Variants in SOX5 observed in about 807,000 individuals in gnomAD.
SOX5 encodes SRY-box transcription factor 5, also known as transcription factor SOX-5.
In SOX5, 9 loss-of-function variants were observed where a neutral mutation model predicts 92.0. The observed-to-expected ratio is 0.10, with a 90% confidence interval of 0.06 to 0.17. The LOEUF is 0.17. Among genes scored for constraint, SOX5 ranks in the 10% least tolerant of loss-of-function variants. The pLI is 1.00. For synonymous variants in SOX5, 344 were observed against 336.3 expected (o/e 1.02, Z -0.25); for missense variants, 642 against 944.5 (o/e 0.68, Z 4.20).
Position 24,530,459 on chromosome 12 carries a change from T to A in SOX5, c.-251+31870A>T, listed in dbSNP as rs115185257. Among the ~76,000 whole-genome samples the A allele has an allele frequency of 7.0e-3, 1,070 of 152,258 alleles. 18 individuals carry two copies. The highest frequency in any genetic ancestry group is 0.023 in the African/African-American group (960 of 41,554). ...GTGGGAGAAGTCTATAAAAATAATA[T>A]GTAGAGCTCCCCTAAACCCCATCTC... is the stretch of plus-strand genomic sequence containing the variant. On this transcript the variant is annotated intron_variant, in intron 1 of 4. Coordinates refer to the SOX5 transcript ENST00000446891.
intron 8 of SOX5, among the ~76,000 whole-genome samples, chr12:23,623,609 C>T (rs780867025): frequency 6.6e-6 from 1 of 152,064 alleles, no homozygotes; most frequent in Non-Finnish European, 1.5e-5. Flanking sequence ...CAAATATTAT[C>T]TAGGAATCAA....
At chr12:23,685,600 T>A (rs1309862368) in intron 6 of SOX5, among the ~76,000 whole-genome samples, 2 of 151,958 alleles carry the variant, frequency 1.3e-5, no homozygotes, top group African/African-American at 4.8e-5. Context: ...GTTTCTCATA[T>A]TTTTTCTAGC....
chr12:23,910,914 T>A (rs1213706377), intron 1 of SOX5, among the ~76,000 whole-genome samples: 1 of 152,172 alleles, frequency 6.6e-6, no homozygotes, highest in East Asian at 1.9e-4. Flanking sequence ...ATCCACCTCT[T>A]CACAACATTC....
intron 4 of SOX5, among the ~76,000 whole-genome samples, chr12:24,156,061 C>T (rs1448252193): frequency 1.3e-5 from 2 of 152,154 alleles, no homozygotes; most frequent in Non-Finnish European, 2.9e-5. Flanking sequence ...GTGCTTAGCA[C>T]TGTGAATTTT....
intron 1 of SOX5, among the ~76,000 whole-genome samples, chr12:24,516,020 C>T (rs1949746746): frequency 1.3e-5 from 2 of 149,990 alleles, no homozygotes; most frequent in South Asian, 2.1e-4. Flanking sequence ...TTTTTCTTGG[C>T]TATGGCAATT....
At chr12:24,039,794 T>C (rs1956355317) in intron 4 of SOX5, among the ~76,000 whole-genome samples, 1 of 152,170 alleles carries the variant, frequency 6.6e-6, no homozygotes, top group African/African-American at 2.4e-5. Flanking sequence ...AAATATTAAA[T>C]GGAAACACTG....
chr12:23,716,089 C>T (rs1299348894), intron 6 of SOX5, among the ~76,000 whole-genome samples: 2 of 152,100 alleles, frequency 1.3e-5, no homozygotes, highest in Non-Finnish European at 2.9e-5. Context: ...AGTTATGCAA[C>T]ACACGGGAAG....
chr12:24,248,926 G>A (rs999467527), intron 3 of SOX5, among the ~76,000 whole-genome samples: 2 of 152,158 alleles, frequency 1.3e-5, no homozygotes, highest in African/African-American at 2.4e-5. Context: ...AAAGAAGGTA[G>A]TATATAGAGA....
At chr12:24,091,705 T>A (rs1241449153) in intron 4 of SOX5, among the ~76,000 whole-genome samples, 1 of 152,168 alleles carries the variant, frequency 6.6e-6, no homozygotes, top group Non-Finnish European at 1.5e-5. Context: ...GATAAATTCA[T>A]GCTAGGATTG....
intron 2 of SOX5, among the ~76,000 whole-genome samples, chr12:24,311,654 G>A (rs1223695179): frequency 6.6e-6 from 1 of 152,120 alleles, no homozygotes; most frequent in Non-Finnish European, 1.5e-5. Context: ...ATTATCTTCA[G>A]GTCAAGCTGC....
At chr12:24,152,915 A>G (rs1420949578) in intron 4 of SOX5, among the ~76,000 whole-genome samples, 1 of 152,178 alleles carries the variant, frequency 6.6e-6, no homozygotes, top group African/African-American at 2.4e-5. Context: ...TGAAATGTTT[A>G]ATTAGCTCTG....
chr12:23,832,476 A>T (rs1408183030), intron 3 of SOX5, among the ~76,000 whole-genome samples: 2 of 151,976 alleles, frequency 1.3e-5, no homozygotes, highest in African/African-American at 4.8e-5. Flanking sequence ...TTAACTACAT[A>T]ATATTAAAAA....
intron 1 of SOX5, among the ~76,000 whole-genome samples, chr12:23,937,842 T>A (rs1163393600): frequency 1.3e-5 from 2 of 150,928 alleles, no homozygotes; most frequent in Non-Finnish European, 3.0e-5. Context: ...AACCCTATGG[T>A]TTTTCTAAGG....
At chr12:23,846,346 A>C (rs2096575025) in intron 2 of SOX5, among the ~76,000 whole-genome samples, 153 bp from the exon 3 acceptor site, 4 of 152,232 alleles carry the variant, frequency 2.6e-5, no homozygotes, top group Admixed American at 2.6e-4. Context: ...TATTCAGCTG[A>C]AAGATTAAAA....
intron 3 of SOX5, among the ~76,000 whole-genome samples, chr12:23,840,628 A>T (rs1020530547): frequency 1.3e-5 from 2 of 152,148 alleles, no homozygotes; most frequent in African/African-American, 4.8e-5. Flanking sequence ...TGGCAAGACG[A>T]TAGACCAACT....
At chr12:24,075,755 T>C (rs1942500182) in intron 4 of SOX5, among the ~76,000 whole-genome samples, 1 of 152,176 alleles carries the variant, frequency 6.6e-6, no homozygotes, top group Non-Finnish European at 1.5e-5. Context: ...GCTTGTTTTG[T>C]TTGTTTTTTC....
chr12:23,702,638 G>A (rs2090818497), intron 6 of SOX5, among the ~76,000 whole-genome samples: 1 of 152,122 alleles, frequency 6.6e-6, no homozygotes, highest in South Asian at 2.1e-4. Context: ...TAGAAAGGAT[G>A]TTACACAAAC....
At chr12:23,732,343 G>T (rs1368531625) in intron 6 of SOX5, among the ~76,000 whole-genome samples, 1 of 152,036 alleles carries the variant, frequency 6.6e-6, no homozygotes, top group Non-Finnish European at 1.5e-5. Flanking sequence ...GAACAATCTC[G>T]CAGTAGACTA....
intron 9 of SOX5, among the ~76,000 whole-genome samples, chr12:23,593,932 G>C (rs1951954115): frequency 6.6e-6 from 1 of 152,102 alleles, no homozygotes; most frequent in South Asian, 2.1e-4. Flanking sequence ...TCAGAAATTT[G>C]GGTGTTTTTT....
Sources: gnomAD v4.1 joint callset for allele counts (sites outside exome capture counted in the v4.1 genomes callset) on GRCh38, gnomAD v4.1.1 for gene constraint, MANE v1.5 for transcripts, NCBI Gene and HGNC (gene_info 2026-07-23, HGNC 2026-07-21) for gene names.